Variants in CFDP1 observed in about 807,000 individuals in gnomAD.
CFDP1 encodes the protein heterochromatin-stabilizing protein CFDP1.
CFDP1 carries 31 observed loss-of-function variants against 40.1 expected under a neutral mutation model. The observed-to-expected ratio is 0.77, with a 90% CI of 0.58 to 1.04. The LOEUF (loss-of-function observed/expected upper bound fraction) is 1.04. Among genes scored for constraint, CFDP1 ranks in the 50% least tolerant of loss-of-function variants. The pLI, the probability that CFDP1 is intolerant of heterozygous loss-of-function variation, is 0.00. For synonymous variants in CFDP1, 167 were observed against 120.0 expected, an observed-to-expected ratio of 1.39 and a Z score of -2.56; for missense variants, 423 against 343.4, an observed-to-expected ratio of 1.23 and a Z score of -1.83.
At chr16:75,400,681 T>C (rs2079044183) in intron 4 of CFDP1, among the ~76,000 whole-genome samples, 1 of 152,204 alleles carries the variant, frequency 6.6e-6, no homozygotes, top group Non-Finnish European at 1.5e-5. Flanking sequence ...AGGAATTATA[T>C]GAAAATCTAT....
At chr16:75,412,257 G>C (rs1018727239) in intron 3 of CFDP1, among the ~76,000 whole-genome samples, 2 of 152,156 alleles carry the variant, frequency 1.3e-5, no homozygotes, top group African/African-American at 4.8e-5. Flanking sequence ...GACCTCAAAT[G>C]ATCCACCTGC....
intron 1 of CFDP1, among the ~76,000 whole-genome samples, chr16:75,416,392 C>A (rs2079205643): frequency 6.7e-6 from 1 of 148,984 alleles, no homozygotes; most frequent in South Asian, 2.1e-4. Context: ...AAAAATAAGA[C>A]TTTTAAAATA....
chr16:75,331,384 TGG>T (rs1304824195), intron 5 of CFDP1, among the ~76,000 whole-genome samples: 2 of 152,310 alleles, frequency 1.3e-5, no homozygotes, highest in Middle Eastern at 3.4e-3. Context: ...CCCAAAGTGC[TGG>T]GATTACAGGC....
At chr16:75,312,764 T>C (rs1009948752) in intron 5 of CFDP1, among the ~76,000 whole-genome samples, 1 of 152,164 alleles carries the variant, frequency 6.6e-6, no homozygotes, top group Non-Finnish European at 1.5e-5. Flanking sequence ...AAATTTTAGC[T>C]GACTTTGGTG....
At chr16:75,367,412 G>A (rs1178070822) in intron 5 of CFDP1, among the ~76,000 whole-genome samples, 21 of 143,884 alleles carry the variant, frequency 1.5e-4, no homozygotes, top group Non-Finnish European at 3.0e-4. Context: ...TGCACATTCT[G>A]CACATGTACT....
At position 75,386,261 on chromosome 16, in the gene CFDP1, T is replaced by C. The variant is rs143979214; in HGVS notation, c.650+8829A>G. Among the ~76,000 whole-genome samples the C allele has an allele frequency of 6.1e-3, 923 of 152,320 alleles. 4 individuals are homozygous for C. The highest frequency in any genetic ancestry group is 0.021 in the African/African-American group (891 of 41,570). ...AAAAGGCTGCTATGTGTAAATAAAGTTCATCTCTTCATAGAATTTTCTAAG... is the reference window on the plus strand; with the variant it reads ...AAAAGGCTGCTATGTGTAAATAAAGCTCATCTCTTCATAGAATTTTCTAAG... On this transcript the variant is annotated intron_variant, in intron 5 of 6. Coordinates refer to ENST00000283882, the MANE Select transcript of CFDP1 (RefSeq NM_006324.3).
intron 1 of CFDP1, among the ~76,000 whole-genome samples, chr16:75,428,820 T>C (rs1359539173): frequency 6.6e-6 from 1 of 151,710 alleles, no homozygotes; most frequent in Non-Finnish European, 1.5e-5. Context: ...GGTGACATAT[T>C]AGAAAATGGG....
chr16:75,341,055 G>T (rs1267605481), intron 5 of CFDP1, among the ~76,000 whole-genome samples: 1 of 152,102 alleles, frequency 6.6e-6, no homozygotes, highest in African/African-American at 2.4e-5. Flanking sequence ...GTTACATTTG[G>T]CCCAAAGACA....
chr16:75,401,122 G>A (rs1011573818), intron 4 of CFDP1, among the ~76,000 whole-genome samples: 3 of 151,986 alleles, frequency 2.0e-5, no homozygotes, highest in African/African-American at 7.2e-5. Flanking sequence ...GTGAAACCCT[G>A]TCTCTATTAA....
At chr16:75,399,056 CAAAAAAAAAAAA>C (rs58692180) in intron 4 of CFDP1, among the ~76,000 whole-genome samples, 4 of 98,064 alleles carry the variant, frequency 4.1e-5, no homozygotes, top group South Asian at 3.4e-4. Context: ...GACTCCGTCT[CAAAAAAAAAAAA>C]AAAAAAAAAA....
intron 5 of CFDP1, among the ~76,000 whole-genome samples, chr16:75,343,053 G>T (rs1300752611): frequency 6.6e-6 from 1 of 152,026 alleles, no homozygotes; most frequent in Non-Finnish European, 1.5e-5. Flanking sequence ...GAGCTCCCTG[G>T]AAGAAAACAA....
chr16:75,300,448 C>A lies in CFDP1; in HGVS notation c.809+4576G>T, dbSNP rs1017152212. Among the ~76,000 whole-genome samples, 3 of 152,102 alleles carry A rather than the reference C, an allele frequency of 2.0e-5. No individual in the cohort carries two copies. The East Asian group carries it at 5.8e-4, about 29-fold the overall frequency. On this transcript the variant is annotated intron_variant, in intron 6 of 6. Transcript: ENST00000283882. ...GATTACAGGTGCCCACCACCACGCC[C>A]GGCTAATTTTTGTATTTCAGTAGAG...
At chr16:75,334,485 A>G (rs1187114572) in intron 5 of CFDP1, among the ~76,000 whole-genome samples, 1 of 150,472 alleles carries the variant, frequency 6.6e-6, no homozygotes, top group Non-Finnish European at 1.5e-5. Flanking sequence ...CCTAGAGCTA[A>G]GCAGAAGCCA....
At chr16:75,379,591 G>A (rs1438448238) in intron 5 of CFDP1, among the ~76,000 whole-genome samples, 2 of 152,206 alleles carry the variant, frequency 1.3e-5, no homozygotes, top group Non-Finnish European at 2.9e-5. Context: ...GTGATTACCA[G>A]AGGTTAAGGA....
intron 6 of CFDP1, among the ~76,000 whole-genome samples, chr16:75,297,341 T>C (rs2078191094): frequency 6.6e-6 from 1 of 152,112 alleles, no homozygotes; most frequent in African/African-American, 2.4e-5. Flanking sequence ...TTCTTCTGAC[T>C]TGACTTTACC....
At chr16:75,425,387 C>T (rs2079327164) in intron 1 of CFDP1, among the ~76,000 whole-genome samples, 1 of 88,692 alleles carries the variant, frequency 1.1e-5, no homozygotes, top group Non-Finnish European at 2.5e-5. Flanking sequence ...ACTCCATCCC[C>T]CTCAAAAAAA....
chr16:75,399,326 G>A (rs761482996), intron 4 of CFDP1, among the ~76,000 whole-genome samples: 175 of 152,280 alleles, frequency 1.1e-3, no homozygotes, highest in Non-Finnish European at 2.2e-3. Flanking sequence ...ACTAGAAAGG[G>A]TACCTTTAAA....
chr16:75,430,541 T>C (rs1399744290), intron 1 of CFDP1, among the ~76,000 whole-genome samples: 1 of 152,036 alleles, frequency 6.6e-6, no homozygotes, highest in Non-Finnish European at 1.5e-5. Flanking sequence ...CTTCACTCAC[T>C]GCAACCCCCA....
At chr16:75,349,034 C>CTTTG (rs141831808) in intron 5 of CFDP1, among the ~76,000 whole-genome samples, 3,403 of 152,038 alleles carry the variant, frequency 0.022, 70 homozygotes, top group African/African-American at 0.055. Flanking sequence ...ACCTGGATAA[C>CTTTG]TTTTTTTGTT....
Sources: gnomAD v4.1 joint callset for allele counts (sites outside exome capture counted in the v4.1 genomes callset) on GRCh38, gnomAD v4.1.1 for gene constraint, MANE v1.5 for transcripts, NCBI Gene and HGNC (gene_info 2026-07-23, HGNC 2026-07-21) for gene names.